Variants in ARHGEF7 observed in about 807,000 individuals in gnomAD.
The protein encoded by ARHGEF7 is PAK-interacting exchange factor beta.
A neutral mutation model predicts 109.8 loss-of-function variants in ARHGEF7; 33 were observed. That is an observed-to-expected ratio of 0.30 (90% CI 0.23 to 0.40). The LOEUF (loss-of-function observed/expected upper bound fraction) is 0.40. Among genes scored for constraint, ARHGEF7 ranks in the 10% least tolerant of loss-of-function variants. The pLI is 1.00. For missense variants in ARHGEF7, 938 were observed against 1,098.5 expected, an observed-to-expected ratio of 0.85 and a Z score of 2.07; for synonymous variants, 458 against 424.6, an observed-to-expected ratio of 1.08 and a Z score of -0.97.
At chr13:111,208,332 G>A (rs1021414326) in intron 3 of ARHGEF7, among the ~76,000 whole-genome samples, 30 of 152,166 alleles carry the variant, frequency 2.0e-4, no homozygotes, top group Middle Eastern at 3.2e-3. Context: ...GAGCCACTGC[G>A]CCTGGCCTCG....
intron 19 of ARHGEF7, among the ~76,000 whole-genome samples, chr13:111,300,105 A>G (rs1056686936): frequency 6.6e-6 from 1 of 152,190 alleles, no homozygotes; most frequent in African/African-American, 2.4e-5. Flanking sequence ...ATTTTGCAAC[A>G]TTTATTGAGG....
chr13:111,210,060 GATATATCTGAGA>G (rs2082311094), intron 4 of ARHGEF7, 58 bp downstream of exon 4: 1 of 1,604,310 alleles, frequency 6.2e-7, no homozygotes, highest in African/African-American at 1.3e-5. Context: ...AGTGTGTATG[GATATATCTGAGA>G]AGATACGTAT....
At chr13:111,214,304 A>C (rs951067365) in intron 4 of ARHGEF7, among the ~76,000 whole-genome samples, 7 of 152,234 alleles carry the variant, frequency 4.6e-5, no homozygotes, top group Admixed American at 1.3e-4. Flanking sequence ...CCCTGGCCTC[A>C]GCCCTGGTGC....
chr13:111,167,374 C>T (rs2077212629), intron 2 of ARHGEF7, among the ~76,000 whole-genome samples: 1 of 152,128 alleles, frequency 6.6e-6, no homozygotes. Context: ...AAACACAGTC[C>T]TCCCGCACTC....
At chr13:111,284,857 CT>C (rs1342027145) in intron 16 of ARHGEF7, among the ~76,000 whole-genome samples, 1 of 152,234 alleles carries the variant, frequency 6.6e-6, no homozygotes, top group Non-Finnish European at 1.5e-5. Context: ...CCCTCTGCGC[CT>C]GCAGGTGCCC....
chr13:111,287,908 TGA>T (rs1171517835), intron 17 of ARHGEF7, among the ~76,000 whole-genome samples: 1 of 152,244 alleles, frequency 6.6e-6, no homozygotes, highest in Non-Finnish European at 1.5e-5. Flanking sequence ...ACGTCGACAC[TGA>T]GAGTTGTCGG....
In ARHGEF7 at chr13:111,304,913, C is replaced by T. The variant is rs2093626907; in HGVS notation, c.*1800C>T. On this transcript the variant is annotated 3_prime_UTR_variant, in exon 22 of 22. Coordinates refer to ENST00000646102, the MANE Select transcript of ARHGEF7 (RefSeq NM_001354046.2). Reference sequence around the variant, plus strand: ...TTTTTTGGTGATGCGTAAGACATTGCAGTGGGAAACCATTCAACTTGAGTT... The same window carrying T: ...TTTTTTGGTGATGCGTAAGACATTGTAGTGGGAAACCATTCAACTTGAGTT... 6.6e-6 allele frequency: 1 copy of T among 152,238 alleles called. No homozygotes were observed. 9.4% of individuals were successfully genotyped at this position (152,238 alleles called of 1,614,324 possible).
chr13:111,222,697 G>T (rs2084619610), intron 5 of ARHGEF7, among the ~76,000 whole-genome samples: 2 of 152,226 alleles, frequency 1.3e-5, no homozygotes, highest in Non-Finnish European at 2.9e-5. Context: ...CCAAAGTGCT[G>T]GGATTACAGG....
intron 13 of ARHGEF7, among the ~76,000 whole-genome samples, chr13:111,279,886 G>A (rs1209971277): frequency 2.0e-5 from 3 of 152,110 alleles, no homozygotes; most frequent in Admixed American, 6.5e-5. Context: ...ATTTCTTTAC[G>A]AGGAAAATAC....
intron 2 of ARHGEF7, among the ~76,000 whole-genome samples, chr13:111,200,759 A>G (rs2081126090): frequency 6.6e-6 from 1 of 152,206 alleles, no homozygotes; most frequent in African/African-American, 2.4e-5. Flanking sequence ...AGGTGTTCCC[A>G]AGTACACTTT....
chr13:111,280,030 G>T (rs535886266), intron 13 of ARHGEF7, among the ~76,000 whole-genome samples: 1 of 151,980 alleles, frequency 6.6e-6, no homozygotes, highest in Non-Finnish European at 1.5e-5. Context: ...TGTGTGTTTG[G>T]GCTTGTCACT....
chr13:111,150,791 T>G (rs1566631768), intron 1 of ARHGEF7, among the ~76,000 whole-genome samples: 1 of 152,164 alleles, frequency 6.6e-6, no homozygotes, highest in African/African-American at 2.4e-5. Context: ...GGACGAGAGA[T>G]GTAGTATTGG....
At chr13:111,253,830 C>G (rs1007580561) in intron 8 of ARHGEF7, among the ~76,000 whole-genome samples, 13 of 152,216 alleles carry the variant, frequency 8.5e-5, no homozygotes, top group African/African-American at 3.1e-4. Context: ...TGGCGATGTT[C>G]AGGGCCACCC....
chr13:111,152,770 TAC>T (rs1393045267), intron 1 of ARHGEF7, among the ~76,000 whole-genome samples: 3 of 152,260 alleles, frequency 2.0e-5, no homozygotes, highest in African/African-American at 4.8e-5. Flanking sequence ...TAAGTTTTCT[TAC>T]AGTTAAAATA....
chr13:111,187,246 C>G (rs1566750019), intron 2 of ARHGEF7, among the ~76,000 whole-genome samples: 1 of 152,204 alleles, frequency 6.6e-6, no homozygotes, highest in Non-Finnish European at 1.5e-5. Context: ...TTGGACAGCT[C>G]TCCTTGTTCT....
intron 2 of ARHGEF7, among the ~76,000 whole-genome samples, chr13:111,181,684 A>G (rs942653): frequency 0.46 from 70,207 of 151,990 alleles, 16,508 homozygotes; most frequent in African/African-American, 0.54. Flanking sequence ...CTGAGGCATC[A>G]TGGAACAGTG....
At position 111,267,402 on chromosome 13, in the gene ARHGEF7, CAT is replaced by C. The variant is rs970948010; in HGVS notation, c.951-145_951-144del. On this transcript the variant is annotated intron_variant, in intron 8 of 21. Coordinates refer to ENST00000646102, the MANE Select transcript of ARHGEF7 (RefSeq NM_001354046.2). The stretch of plus-strand genomic sequence containing the variant: ...CCTTGCTAGACTCAAGGCAGCAACA[CAT>C]GTGTGCTGGGATCGGGGCCTCTGGT... 23 of 1,030,212 alleles carry C rather than the reference CAT, an allele frequency of 2.2e-5. No homozygotes were observed. The Admixed American group carries it at 3.0e-4, about 13-fold the overall frequency. 63.8% of individuals were successfully genotyped at this position (1,030,212 alleles called of 1,614,324 possible).
chr13:111,208,368 T>C (rs1276183582), intron 3 of ARHGEF7, among the ~76,000 whole-genome samples: 1 of 152,182 alleles, frequency 6.6e-6, no homozygotes, highest in Non-Finnish European at 1.5e-5. Context: ...CAGCTTTCCT[T>C]GATTGGCAAA....
chr13:111,205,012 G>A (rs942844746), intron 2 of ARHGEF7, among the ~76,000 whole-genome samples: 2 of 151,180 alleles, frequency 1.3e-5, no homozygotes, highest in East Asian at 3.9e-4. Context: ...ACCCCGCCCC[G>A]CCCCCGTGAA....
Sources: allele counts gnomAD v4.1 joint callset (sites outside exome capture counted in the v4.1 genomes callset), GRCh38; gene constraint gnomAD v4.1.1; transcripts MANE v1.5; gene names NCBI Gene and HGNC (gene_info 2026-07-23, HGNC 2026-07-21).